Variants in SLC14A2 observed in about 807,000 individuals in gnomAD.
SLC14A2 encodes urea transporter 2.
Under a neutral mutation model 104.6 loss-of-function variants are expected in SLC14A2, and 91 were observed. That is an observed-to-expected ratio of 0.87 (90% CI 0.73 to 1.04). The LOEUF is 1.04. Among genes scored for constraint, SLC14A2 ranks in the 50% least tolerant of loss-of-function variants. SLC14A2 has a pLI of 0.00. For missense variants in SLC14A2, 1,189 were observed against 1,156.0 expected, an observed-to-expected ratio of 1.03 and a Z score of -0.41; for synonymous variants, 476 against 466.4, an observed-to-expected ratio of 1.02 and a Z score of -0.27.
At chr18:45,247,935 TG>T (rs2084383277) in intron 1 of SLC14A2, among the ~76,000 whole-genome samples, 1 of 152,130 alleles carries the variant, frequency 6.6e-6, no homozygotes, top group African/African-American at 2.4e-5. Flanking sequence ...CTGGTGTCCC[TG>T]GGGCCCATAA....
the SLC14A2 span, among the ~76,000 whole-genome samples, chr18:45,191,897 G>A: frequency 6.6e-6 from 1 of 152,200 alleles, no homozygotes; most frequent in Non-Finnish European, 1.5e-5. Flanking sequence ...TTCTGGACAA[G>A]GGGTGTCCTA....
At chr18:45,229,402 TTTTGTTTG>T (rs146538293) in intron 1 of SLC14A2, among the ~76,000 whole-genome samples, 204 of 151,680 alleles carry the variant, frequency 1.3e-3, no homozygotes, top group African/African-American at 2.4e-3. Flanking sequence ...CCCGTAGGTT[TTTTGTTTG>T]TTTGTTTGTT....
intron 1 of SLC14A2, among the ~76,000 whole-genome samples, chr18:45,404,298 G>T (rs1483008586): frequency 6.6e-6 from 1 of 152,130 alleles, no homozygotes; most frequent in Non-Finnish European, 1.5e-5. Context: ...TACTATGATA[G>T]AAATTTTTGT....
chr18:45,377,611 C>T (rs2085789023), intron 1 of SLC14A2, among the ~76,000 whole-genome samples: 1 of 152,116 alleles, frequency 6.6e-6, no homozygotes, highest in South Asian at 2.1e-4. Context: ...CAGGTCCTTG[C>T]TTCTCAACAT....
intron 1 of SLC14A2, among the ~76,000 whole-genome samples, chr18:45,439,856 T>C (rs1173722911): frequency 6.6e-6 from 1 of 152,150 alleles, no homozygotes; most frequent in Non-Finnish European, 1.5e-5. Flanking sequence ...ACCTGGAAAG[T>C]CTTCCCTCAG....
intron 1 of SLC14A2, among the ~76,000 whole-genome samples, chr18:45,393,047 A>C (rs1401993653): frequency 6.6e-6 from 1 of 152,190 alleles, no homozygotes; most frequent in African/African-American, 2.4e-5. Flanking sequence ...TATACACTTT[A>C]TATCTGAATA....
intron 1 of SLC14A2, among the ~76,000 whole-genome samples, chr18:45,476,652 C>T (rs2087386764): frequency 1.3e-5 from 2 of 152,174 alleles, no homozygotes; most frequent in Admixed American, 1.3e-4. Context: ...CACATAGTCC[C>T]ATATTTCTTG....
chr18:45,194,701 A>G, the SLC14A2 span, among the ~76,000 whole-genome samples: 3 of 132,300 alleles, frequency 2.3e-5, no homozygotes, highest in East Asian at 6.8e-4. Context: ...GCTGGAGTGC[A>G]GTGGTGCGAT....
intron 1 of SLC14A2, among the ~76,000 whole-genome samples, chr18:45,428,129 A>G (rs1378687556): frequency 1.3e-5 from 2 of 152,216 alleles, no homozygotes; most frequent in Non-Finnish European, 2.9e-5. Context: ...GAGAGATTAT[A>G]TGTAAATCAC....
chr18:45,327,407 CAGTGGCATTA>C (rs1355411474), intron 1 of SLC14A2, among the ~76,000 whole-genome samples: 2 of 152,166 alleles, frequency 1.3e-5, no homozygotes, highest in Admixed American at 1.3e-4. Context: ...TGAGACAGCT[CAGTGGCATTA>C]AGTACATTCG....
intron 1 of SLC14A2, among the ~76,000 whole-genome samples, chr18:45,250,995 A>G (rs2084417389): frequency 6.6e-6 from 1 of 152,140 alleles, no homozygotes; most frequent in Non-Finnish European, 1.5e-5. Flanking sequence ...AAACTTCATA[A>G]TTCAGCCATA....
intron 1 of SLC14A2, among the ~76,000 whole-genome samples, chr18:45,392,263 C>T (rs2085978386): frequency 6.6e-6 from 1 of 152,148 alleles, no homozygotes; most frequent in South Asian, 2.1e-4. Flanking sequence ...CATGCTTCTC[C>T]CCTATGCTTG....
intron 10 of SLC14A2, among the ~76,000 whole-genome samples, chr18:45,645,737 G>A (rs980208276): frequency 2.1e-5 from 3 of 145,874 alleles, no homozygotes; most frequent in African/African-American, 7.6e-5. Context: ...TCTTAACCCT[G>A]TCATTATAGC....
intron 2 of SLC14A2, among the ~76,000 whole-genome samples, chr18:45,571,669 C>T (rs937099769): frequency 1.3e-5 from 2 of 152,182 alleles, no homozygotes; most frequent in African/African-American, 4.8e-5. Flanking sequence ...ACGGGGCCCA[C>T]ATCTTATGTT....
Position 45,641,220 on chromosome 18 carries a change from G to C in SLC14A2, c.1003G>C (p.Ala335Pro). ...ACCTTGTCCCATAGCCCTGTCAGTG[G>C]CCACACCCTTCGAGACCATCTACAC... is the stretch of plus-strand genomic sequence containing the variant. Reference protein sequence around the residue: ...IVGLLAALSVATPFETIYTGL... With the variant: ...IVGLLAALSVPTPFETIYTGL... Residue 335 changes from alanine to proline, a missense_variant, in exon 8 of 20, where the codon GCC (alanine) becomes CCC (proline). Ala to Pro is a conservative substitution (Grantham distance 27, BLOSUM62 -1). Transcript: ENST00000255226. The C allele has an allele frequency of 6.2e-7, 1 of 1,613,992 alleles. No homozygotes were observed. Among genetic ancestry groups the C allele is most frequent in the South Asian group, 1.1e-5 (1 of 91,072 alleles).
At chr18:45,514,737 A>C (rs2043413303) in intron 2 of SLC14A2, among the ~76,000 whole-genome samples, 1 of 152,218 alleles carries the variant, frequency 6.6e-6, no homozygotes, top group South Asian at 2.1e-4. Context: ...GAAGGATACA[A>C]AGATGAGTAA....
In SLC14A2 at chr18:45,263,667, A is replaced by G. The variant is rs368844146; in HGVS notation, c.-125+50476A>G. The stretch of plus-strand genomic sequence containing the variant: ...GCTGTTGTTTCTCCTATGTTTTTTA[A>G]GTGTTTATGTATATCGGTTTAGACT... On this transcript the variant is annotated intron_variant, in intron 1 of 20. Transcript: ENST00000586448. 9.2e-5 allele frequency among the ~76,000 whole-genome samples: 14 copies of G among 152,146 alleles called. No individual in the cohort carries two copies. The South Asian group carries it at 2.5e-3, about 27-fold the overall frequency.
chr18:45,240,200 G>A (rs554866838), intron 1 of SLC14A2, among the ~76,000 whole-genome samples: 4 of 146,388 alleles, frequency 2.7e-5, no homozygotes, highest in East Asian at 2.0e-4. Context: ...GGGTTCAAGC[G>A]ATTCTCCTGT....
At chr18:45,284,466 C>G (rs978568026) in intron 1 of SLC14A2, among the ~76,000 whole-genome samples, 1 of 152,142 alleles carries the variant, frequency 6.6e-6, no homozygotes, top group South Asian at 2.1e-4. Flanking sequence ...TAGGTCTCTA[C>G]TCCATGCCCC....
Sources: allele counts gnomAD v4.1 joint callset (sites outside exome capture counted in the v4.1 genomes callset), GRCh38; gene constraint gnomAD v4.1.1; transcripts MANE v1.5; gene names NCBI Gene and HGNC (gene_info 2026-07-23, HGNC 2026-07-21).